SLCO1B3: variants seen among roughly 807,000 people sequenced by gnomAD.
The protein encoded by SLCO1B3 is solute carrier organic anion transporter family member 1B3, also known as liver-specific organic anion transporter 2.
In SLCO1B3, 72 loss-of-function variants were observed where a neutral mutation model predicts 71.8. The observed-to-expected ratio is 1.00, with a 90% CI of 0.83 to 1.22. The LOEUF (loss-of-function observed/expected upper bound fraction) is 1.22. Among genes scored for constraint, SLCO1B3 ranks in the 50% most tolerant of loss-of-function variants. SLCO1B3 has a pLI of 0.00. For missense variants in SLCO1B3, 911 were observed against 819.7 expected (o/e 1.11, Z -1.36); for synonymous variants, 298 against 278.4 (o/e 1.07, Z -0.70).
rs1436521043 is a variant in SLCO1B3 at position 20,898,600 on chromosome 12, AAAG to A, written c.1747+103_1747+105del. ...ATTTTCAACTATAAGACTGTATAAA[AAAG>A]AATAGGTAAGAATCATTTCTATTTT... On this transcript the variant is annotated intron_variant, in intron 14 of 15. Transcript: ENST00000381545. 5 of 532,356 alleles carry A rather than the reference AAAG, an allele frequency of 9.4e-6. No homozygotes were observed. The East Asian group carries it at 1.7e-4, about 18-fold the overall frequency. The allele number at this position is 532,356 out of a possible 1,614,324, so 33.0% of individuals were successfully genotyped here.
chr12:20,814,171 G>A (rs1864152669), intron 2 of SLCO1B3, among the ~76,000 whole-genome samples: 1 of 151,996 alleles, frequency 6.6e-6, no homozygotes, highest in South Asian at 2.1e-4. Context: ...GTATGAACAA[G>A]AATACATCTC....
chr12:20,901,252 T>G, intron 14 of SLCO1B3, 98 bp from the exon 15 acceptor site: 1 of 828,370 alleles, frequency 1.2e-6, no homozygotes, highest in Non-Finnish European at 1.9e-6. Flanking sequence ...TCCAAAACTT[T>G]AAACTTGTAT....
rs543131795 is a variant in SLCO1B3, at chr12:20,832,636, G to A, written c.84+16814G>A. 1.6e-3 allele frequency among the ~76,000 whole-genome samples: 246 copies of A among 151,704 alleles called. 1 individual carries two copies. The highest frequency in any genetic ancestry group is 3.4e-3 in the Middle Eastern group (1 of 294). On this transcript the variant is annotated intron_variant, in intron 3 of 15. Transcript: ENST00000381545. ...GTTTTATTCTGGGTCTCTTTTCTCC[G>A]GCCATGGTGGCCTTTTTGCTGTTTC... is the stretch of plus-strand genomic sequence containing the variant.
At chr12:20,824,948 C>T (rs923677288) in intron 3 of SLCO1B3, among the ~76,000 whole-genome samples, 1 of 151,990 alleles carries the variant, frequency 6.6e-6, no homozygotes, top group Non-Finnish European at 1.5e-5. Flanking sequence ...AAAGTGATAA[C>T]TCAAAGTTTT....
intron 3 of SLCO1B3, among the ~76,000 whole-genome samples, chr12:20,836,332 C>A (rs11045546): frequency 0.11 from 17,321 of 152,072 alleles, 1,965 homozygotes; most frequent in African/African-American, 0.28. Context: ...CCATGCATAC[C>A]TGGAATAAAT....
chr12:20,894,324 TGTGA>T (rs966228914), intron 13 of SLCO1B3, among the ~76,000 whole-genome samples: 9 of 152,186 alleles, frequency 5.9e-5, no homozygotes, highest in South Asian at 2.1e-4. Context: ...TCAGTGAGGA[TGTGA>T]GTATGAGCAG....
chr12:20,881,645 G>T (rs1430128894), intron 12 of SLCO1B3, among the ~76,000 whole-genome samples: 1 of 151,546 alleles, frequency 6.6e-6, no homozygotes, highest in Non-Finnish European at 1.5e-5. Flanking sequence ...CATATCCATT[G>T]GAAATTCCAT....
At chr12:20,823,126 G>T (rs937235979) in intron 3 of SLCO1B3, among the ~76,000 whole-genome samples, 2 of 152,156 alleles carry the variant, frequency 1.3e-5, no homozygotes, top group Non-Finnish European at 2.9e-5. Context: ...AACAATCCTG[G>T]AAAACTGATA....
chr12:20,813,868 C>A (rs541820424), intron 2 of SLCO1B3, among the ~76,000 whole-genome samples: 23 of 152,236 alleles, frequency 1.5e-4, no homozygotes, highest in Non-Finnish European at 2.6e-4. Flanking sequence ...GTGTTCCCAG[C>A]AACTTTATGG....
In SLCO1B3 at chr12:20,812,628, A is replaced by C. The variant is rs111846904; in HGVS notation, c.-180-896A>C. 2.6e-5 allele frequency among the ~76,000 whole-genome samples: 4 copies of C among 152,318 alleles called. 1 individual carries two copies. The highest frequency in any genetic ancestry group is 9.6e-5 in the African/African-American group (4 of 41,584). ...ATTCATTTAGGCTGTGAAGACCCTCAAATAGGAAGTGTAAGTTTTATTTTT... is the reference window on the plus strand; with the variant it reads ...ATTCATTTAGGCTGTGAAGACCCTCCAATAGGAAGTGTAAGTTTTATTTTT... On this transcript the variant is annotated intron_variant, in intron 1 of 15. Transcript: ENST00000381545.
intron 12 of SLCO1B3, among the ~76,000 whole-genome samples, chr12:20,881,788 C>T (rs1865698813): frequency 6.6e-6 from 1 of 152,134 alleles, no homozygotes; most frequent in Admixed American, 6.5e-5. Context: ...CAACATCTCA[C>T]AAGTTGCATA....
intron 9 of SLCO1B3, among the ~76,000 whole-genome samples, chr12:20,877,561 A>G (rs1865606068): frequency 6.6e-6 from 1 of 152,110 alleles, no homozygotes; most frequent in Non-Finnish European, 1.5e-5. Context: ...ATAGAAGTTC[A>G]GTTTAGATGA....
intron 3 of SLCO1B3, among the ~76,000 whole-genome samples, chr12:20,851,160 G>T (rs1241074849): frequency 6.6e-6 from 1 of 152,144 alleles, no homozygotes; most frequent in Non-Finnish European, 1.5e-5. Context: ...CAAGATCCCA[G>T]TTTGAATTTC....
intron 3 of SLCO1B3, among the ~76,000 whole-genome samples, chr12:20,818,699 C>G (rs1864235907): frequency 6.6e-6 from 1 of 152,200 alleles, no homozygotes; most frequent in African/African-American, 2.4e-5. Flanking sequence ...GGGCTAGTGG[C>G]TTGTACTATA....
At chr12:20,902,670 A>T (rs1866151995) in intron 15 of SLCO1B3, among the ~76,000 whole-genome samples, 1 of 152,180 alleles carries the variant, frequency 6.6e-6, no homozygotes, top group Non-Finnish European at 1.5e-5. Context: ...TGCATTACAC[A>T]AGGTATTGTA....
At chr12:20,873,466 G>A (rs554505388) in intron 8 of SLCO1B3, among the ~76,000 whole-genome samples, 1 of 152,224 alleles carries the variant, frequency 6.6e-6, no homozygotes, top group South Asian at 2.1e-4. Flanking sequence ...CAGGTGTCTG[G>A]CATATGCTGG....
At chr12:20,874,219 C>G (rs2121289627) in intron 8 of SLCO1B3, among the ~76,000 whole-genome samples, 1 of 152,228 alleles carries the variant, frequency 6.6e-6, no homozygotes, top group Non-Finnish European at 1.5e-5. Flanking sequence ...CACATTCGCT[C>G]TGTGTTAAGC....
intron 3 of SLCO1B3, among the ~76,000 whole-genome samples, chr12:20,835,773 C>G (rs752749515): frequency 6.6e-6 from 1 of 152,144 alleles, no homozygotes; most frequent in African/African-American, 2.4e-5. Context: ...CCCACATTTT[C>G]TTGTCTTCTT....
rs140410796 is a variant in SLCO1B3 at position 20,877,800 on chromosome 12, T to A, written c.999T>A (p.Leu333=). ...TTTTCCAGTCTTTGAAAAGCATCCT[T>A]ACCAATCCCCTGTATGTTATATTTC... ...TGFFQSLKSI[L]TNPLYVIFLL... Residue 333 remains leucine, a synonymous_variant, in exon 10 of 16, where the codon CTT becomes CTA. Coordinates refer to ENST00000381545, the MANE Select transcript of SLCO1B3 (RefSeq NM_019844.4). 6.6e-7 allele frequency: 1 copy of A among 1,508,540 alleles called. No homozygotes were observed. The highest frequency in any genetic ancestry group is 8.9e-7 in the Non-Finnish European group (1 of 1,127,156). The allele number at this position is 1,508,540 out of a possible 1,614,324, so 93.4% of individuals were successfully genotyped here. A position where few individuals can be genotyped will look rare whatever the true frequency, so the allele number is the denominator to read the frequency against.
Sources: gnomAD v4.1 joint callset for allele counts (sites outside exome capture counted in the v4.1 genomes callset) on GRCh38, gnomAD v4.1.1 for gene constraint, MANE v1.5 for transcripts, NCBI Gene and HGNC (gene_info 2026-07-23, HGNC 2026-07-21) for gene names.